SLC7A7: variants seen among roughly 807,000 people sequenced by gnomAD.
SLC7A7 encodes Y+L amino acid transporter 1.
In SLC7A7, 39 loss-of-function variants were observed where a neutral mutation model predicts 47.9. The observed-to-expected ratio is 0.81, with a 90% confidence interval of 0.63 to 1.06. The LOEUF (loss-of-function observed/expected upper bound fraction) is 1.06, where lower values mean the gene tolerates loss of function less well. Ranked by LOEUF, SLC7A7 falls within the 50% of genes least tolerant of loss-of-function variation. The probability of loss-of-function intolerance (pLI) is 0.00; values close to 1 mark genes in which losing one functional copy is unlikely to be tolerated. For missense variants in SLC7A7, 588 were observed against 632.0 expected (o/e 0.93, Z 0.75); for synonymous variants, 234 against 242.8 (o/e 0.96, Z 0.34).
intron 2 of SLC7A7, among the ~76,000 whole-genome samples, chr14:22,808,027 T>G (rs1315467585): frequency 6.6e-6 from 1 of 151,972 alleles, no homozygotes; most frequent in African/African-American, 2.4e-5. Context: ...CCGGGTGTGG[T>G]GGTGCACAGC....
upstream of SLC7A7, chr14:22,815,627 T>C (rs1357356861): frequency 4.4e-6 from 2 of 453,880 alleles, no homozygotes; most frequent in Non-Finnish European, 8.8e-6. Context: ...AAGAAGGTGC[T>C]CTCTCAGGAA....
At chr14:22,801,005 G>C (rs902740166) in intron 2 of SLC7A7, among the ~76,000 whole-genome samples, 2 of 152,012 alleles carry the variant, frequency 1.3e-5, no homozygotes, top group Non-Finnish European at 2.9e-5. Flanking sequence ...TCCAGCTCCT[G>C]TCACCATCTG....
chr14:22,792,729 C>T (rs1193192789), intron 2 of SLC7A7, among the ~76,000 whole-genome samples: 2 of 151,210 alleles, frequency 1.3e-5, no homozygotes, highest in African/African-American at 2.4e-5. Context: ...TGGTGGCGCA[C>T]GCCTGTAATC....
chr14:22,778,754 G>C (rs754531040), intron 4 of SLC7A7, 39 bp downstream of exon 4: 2 of 1,605,662 alleles, frequency 1.2e-6, no homozygotes, highest in South Asian at 2.2e-5. Context: ...TTAAATGATG[G>C]CTATCACTGC....
chr14:22,773,253 C>A lies in SLC7A7; in HGVS notation c.*357G>T. 2.3e-6 allele frequency: 1 copy of A among 429,728 alleles called. No homozygotes were observed. The allele number at this position is 429,728 out of a possible 1,614,324, so 26.6% of individuals were successfully genotyped here. A position where few individuals can be genotyped will look rare whatever the true frequency, so the allele number is the denominator to read the frequency against. The stretch of plus-strand genomic sequence containing the variant: ...AACATAAACTTTTATTGTCATCCAG[C>A]ACCTGTGATAGTTTCATGTCTCTCT... On this transcript the variant is annotated 3_prime_UTR_variant, in exon 10 of 10. Transcript: ENST00000674313.
At chr14:22,795,381 GCTTGCTTTCTTTCTTT>G (rs1178630977) in intron 2 of SLC7A7, among the ~76,000 whole-genome samples, 15 of 5,122 alleles carry the variant, frequency 2.9e-3, no homozygotes, top group African/African-American at 3.1e-3. Context: ...AGTATTGCTT[GCTTGCTTTCTTTCTTT>G]CTTTCTTTCT....
At chr14:22,776,418 A>T in intron 4 of SLC7A7, 100 bp from the exon 5 acceptor site, 3 of 1,484,406 alleles carry the variant, frequency 2.0e-6, no homozygotes, top group Non-Finnish European at 2.8e-6. Flanking sequence ...CTTTCCAGGG[A>T]TGGAGACTGT....
chr14:22,780,068 A>G lies in SLC7A7; in HGVS notation c.500-17T>C, dbSNP rs1176044067. ...TTAAGAGACCTGAAAGAAAAATAATACTGATTGGTGACTTACCCTTACCAC... is the reference window on the plus strand; with the variant it reads ...TTAAGAGACCTGAAAGAAAAATAATGCTGATTGGTGACTTACCCTTACCAC... On this transcript the variant is annotated splice_polypyrimidine_tract_variant and intron_variant, in intron 2 of 9. Coordinates refer to ENST00000674313, the MANE Select transcript of SLC7A7 (RefSeq NM_003982.4). The G allele has an allele frequency of 3.1e-6, 5 of 1,613,578 alleles. No individual in the cohort carries two copies. The highest frequency in any genetic ancestry group is 3.4e-6 in the Non-Finnish European group (4 of 1,179,776).
Position 22,773,434 on chromosome 14 carries a change from G to A in SLC7A7, c.*176C>T. On this transcript the variant is annotated 3_prime_UTR_variant, in exon 10 of 10. Coordinates refer to ENST00000674313, the MANE Select transcript of SLC7A7 (RefSeq NM_003982.4). ...CCCCTTTAAAAGTCTGGAACAGTATGTAGCAAAACAAATAAATTACTTTTC... is the reference window on the plus strand; with the variant it reads ...CCCCTTTAAAAGTCTGGAACAGTATATAGCAAAACAAATAAATTACTTTTC... 1 of 699,820 alleles carries A rather than the reference G, an allele frequency of 1.4e-6. No homozygotes were observed. Among genetic ancestry groups the A allele is most frequent in the Non-Finnish European group, 2.6e-6 (1 of 381,188 alleles). The allele number at this position is 699,820 out of a possible 1,614,324, so 43.4% of individuals were successfully genotyped here. A position where few individuals can be genotyped will look rare whatever the true frequency, so the allele number is the denominator to read the frequency against.
At chr14:22,798,329 AAAGGAG>A (rs1227484796) in intron 2 of SLC7A7, among the ~76,000 whole-genome samples, 6 of 152,064 alleles carry the variant, frequency 3.9e-5, no homozygotes, top group East Asian at 3.9e-4. Flanking sequence ...AGAAGGAGGA[AAAGGAG>A]AAGGAGAAGG....
intron 2 of SLC7A7, among the ~76,000 whole-genome samples, chr14:22,811,836 C>T (rs993574550): frequency 8.1e-5 from 8 of 98,204 alleles, no homozygotes; most frequent in African/African-American, 3.1e-4. Context: ...GACAGAGTGA[C>T]TCTATCTCAA....
At chr14:22,773,904 C>A in intron 9 of SLC7A7, 29 bp downstream of exon 9, 1 of 1,613,450 alleles carries the variant, frequency 6.2e-7, no homozygotes, top group Non-Finnish European at 8.5e-7. Flanking sequence ...TCTGCAATAG[C>A]TGAGCGGACT....
intron 2 of SLC7A7, among the ~76,000 whole-genome samples, chr14:22,807,359 AGT>A (rs568218254): frequency 2.6e-3 from 402 of 152,158 alleles, no homozygotes; most frequent in Non-Finnish European, 4.9e-3. Context: ...TGGCCACCAG[AGT>A]TCTCCTTTTA....
chr14:22,804,361 G>A (rs896507044), intron 2 of SLC7A7, among the ~76,000 whole-genome samples: 17 of 152,102 alleles, frequency 1.1e-4, no homozygotes, highest in Non-Finnish European at 2.2e-4. Flanking sequence ...ATTGACAAAT[G>A]GGATCTTATT....
chr14:22,774,226 A>T lies in SLC7A7; in HGVS notation c.1246-110T>A, dbSNP rs530639103. 19 of 1,587,890 alleles carry T rather than the reference A, an allele frequency of 1.2e-5. No homozygotes were observed. In the East Asian group the frequency reaches 3.8e-4, roughly 32 times the overall value. On this transcript the variant is annotated intron_variant, in intron 8 of 9. Transcript: ENST00000674313. ...CACTGAGCCTTCTTTCCATACCTTTAATTTCAACACATTACTAACGACCAA... is the reference window on the plus strand; with the variant it reads ...CACTGAGCCTTCTTTCCATACCTTTTATTTCAACACATTACTAACGACCAA...
intron 2 of SLC7A7, chr14:22,780,314 T>TA (rs1277273409): frequency 9.1e-6 from 4 of 440,136 alleles, no homozygotes; most frequent in Non-Finnish European, 1.3e-5. Context: ...ACATAAAAAA[T>TA]ACATCCAAAT....
intron 2 of SLC7A7, 149 bp from the exon 3 acceptor site, chr14:22,780,200 G>T: frequency 1.6e-6 from 1 of 639,378 alleles, no homozygotes. Flanking sequence ...TGGAACCCTC[G>T]GGGCCCCAGA....
At chr14:22,811,805 T>C (rs180715646) in intron 2 of SLC7A7, among the ~76,000 whole-genome samples, 20 of 147,510 alleles carry the variant, frequency 1.4e-4, no homozygotes, top group African/African-American at 4.8e-4. Context: ...TGAGCTGAGA[T>C]TGCACCACTC....
intron 6 of SLC7A7, 101 bp downstream of exon 6, chr14:22,775,732 A>G: frequency 1.0e-6 from 1 of 971,644 alleles, no homozygotes. Flanking sequence ...AGGTTGTGGT[A>G]TCGGTTGGAG....
Sources: allele counts gnomAD v4.1 joint callset (sites outside exome capture counted in the v4.1 genomes callset), GRCh38; gene constraint gnomAD v4.1.1; transcripts MANE v1.5; gene names NCBI Gene and HGNC (gene_info 2026-07-23, HGNC 2026-07-21).